CC2D2B: variants seen among roughly 807,000 people sequenced by gnomAD.
CC2D2B encodes the protein coiled-coil and C2 domain containing 2B.
In CC2D2B, 128 loss-of-function variants were observed where a neutral mutation model predicts 161.2. That is an observed-to-expected ratio of 0.79 (90% CI 0.69 to 0.92). The LOEUF is 0.92. CC2D2B is among the 40% of genes least tolerant of loss of function. CC2D2B has a pLI of 0.00. For synonymous variants in CC2D2B, 391 were observed against 449.8 expected (o/e 0.87, Z 1.65); for missense variants, 1,173 against 1,375.1 (o/e 0.85, Z 2.32).
intron 3 of CC2D2B, 133 bp from the exon 4 acceptor site, chr10:95,924,181 A>G (rs774869762): frequency 2.9e-5 from 14 of 486,546 alleles, no homozygotes; most frequent in African/African-American, 4.1e-5. Context: ...ATAAGATAAT[A>G]ACCTAGTTTT....
At chr10:96,026,898 G>A (rs750521039) in intron 33 of CC2D2B, among the ~76,000 whole-genome samples, 70 of 152,172 alleles carry the variant, frequency 4.6e-4, no homozygotes, top group Non-Finnish European at 6.6e-4. Flanking sequence ...CGAGGAGGGC[G>A]GATCACCTGA....
At chr10:96,029,318 A>G (rs1235460518) in intron 34 of CC2D2B, among the ~76,000 whole-genome samples, 4 of 136,206 alleles carry the variant, frequency 2.9e-5, no homozygotes, top group Non-Finnish European at 4.8e-5. Context: ...ATATCTATAT[A>G]TGTACTATGT....
At chr10:96,003,021 AATATAT>A (rs57187442) in intron 24 of CC2D2B, among the ~76,000 whole-genome samples, 6 of 140,696 alleles carry the variant, frequency 4.3e-5, no homozygotes, top group East Asian at 2.0e-4. Context: ...AAAATAAATA[AATATAT>A]ATATATATAT....
chr10:95,972,179 T>C lies in CC2D2B; in HGVS notation c.1758T>C (p.Asp586=), dbSNP rs2077159086. 8.1e-7 allele frequency: 1 copy of C among 1,231,952 alleles called. No homozygotes were observed. The highest frequency in any genetic ancestry group is 1.0e-6 in the Non-Finnish European group (1 of 987,896). The allele number at this position is 1,231,952 out of a possible 1,614,324, so 76.3% of individuals were successfully genotyped here. The change falls in exon 16 of 35, where the codon GAT becomes GAC. Residue 586 remains aspartate, a synonymous_variant. Coordinates refer to ENST00000646931, the MANE Select transcript of CC2D2B (RefSeq NM_001349008.3). ...TGCAATATGTAGAGTTTAGCTCTGATAAGCTGGTCATGCCTGCCGATGGAG... is the reference window on the plus strand; with the variant it reads ...TGCAATATGTAGAGTTTAGCTCTGACAAGCTGGTCATGCCTGCCGATGGAG... ...TALQYVEFSS[D]KLVMPADGEV...
chr10:95,992,757 C>G, intron 22 of CC2D2B, 60 bp downstream of exon 22: 1 of 1,060,148 alleles, frequency 9.4e-7, no homozygotes, highest in Non-Finnish European at 1.2e-6. Flanking sequence ...TGTGAGAATT[C>G]TCCATGCTGT....
chr10:95,933,234 G>T (rs1394639485), intron 6 of CC2D2B, among the ~76,000 whole-genome samples: 1 of 151,830 alleles, frequency 6.6e-6, no homozygotes, highest in East Asian at 1.9e-4. Flanking sequence ...GCTCCATCTG[G>T]TCATTTATGT....
chr10:96,021,216 C>T (rs371200168), intron 32 of CC2D2B: 52 of 152,314 alleles, frequency 3.4e-4, no homozygotes, highest in African/African-American at 1.2e-3. Context: ...TGAAGATGCT[C>T]AACCTTTGAT....
intron 9 of CC2D2B, among the ~76,000 whole-genome samples, chr10:95,949,553 T>C (rs2076328732): frequency 8.1e-6 from 1 of 124,220 alleles, no homozygotes; most frequent in African/African-American, 3.1e-5. Context: ...ATATACCTAA[T>C]GCTAGATGAC....
At chr10:95,997,574 C>T (rs926739723) in intron 24 of CC2D2B, among the ~76,000 whole-genome samples, 4 of 151,936 alleles carry the variant, frequency 2.6e-5, no homozygotes, top group African/African-American at 7.3e-5. Context: ...ATTTTTGTAG[C>T]ACTAGGGTCT....
chr10:95,976,977 T>C (rs1399958016), intron 17 of CC2D2B, among the ~76,000 whole-genome samples: 1 of 152,184 alleles, frequency 6.6e-6, no homozygotes, highest in Non-Finnish European at 1.5e-5. Context: ...GTCAAACTGC[T>C]GAACTCAGGT....
chr10:95,959,136 A>AG lies in CC2D2B; in HGVS notation c.1110-2693_1110-2692insG, dbSNP rs2076678911. 8.5e-5 allele frequency among the ~76,000 whole-genome samples: 13 copies of AG among 152,330 alleles called. No individual in the cohort carries two copies. The South Asian group carries it at 2.7e-3, about 32-fold the overall frequency. ...ATATTCAAGAAGTGAAAGACAAGAA[A>AG]AAAAACCTTAAGTAATTCAATAATT... On this transcript the variant is annotated intron_variant, in intron 11 of 34. Transcript: ENST00000646931.
chr10:96,013,533 T>C (rs1199759098), intron 28 of CC2D2B, among the ~76,000 whole-genome samples: 2 of 151,550 alleles, frequency 1.3e-5, no homozygotes, highest in African/African-American at 4.8e-5. Flanking sequence ...TAAAATATAA[T>C]GGTTACATGC....
Position 95,924,637 on chromosome 10 carries a change from G to A in CC2D2B, c.175-142G>A, listed in dbSNP as rs1002623997. 27 of 625,708 alleles carry A rather than the reference G, an allele frequency of 4.3e-5. No individual in the cohort carries two copies. The Admixed American group carries it at 5.3e-4, about 12-fold the overall frequency. The allele number at this position is 625,708 out of a possible 1,614,324, so 38.8% of individuals were successfully genotyped here. ...GTAATTATAAATGACATTTCAGTAT[G>A]TCTGCTGATATTTCATGTACACATA... On this transcript the variant is annotated intron_variant, in intron 4 of 34. Transcript: ENST00000646931.
chr10:96,031,717 A>G, intron 34 of CC2D2B, 103 bp from the exon 35 acceptor site: 1 of 992,576 alleles, frequency 1.0e-6, no homozygotes, highest in Non-Finnish European at 1.5e-6. Context: ...ATAGTATTTT[A>G]TGAGTACTAT....
At chr10:95,909,639 T>C (rs1412355592) in intron 1 of CC2D2B, among the ~76,000 whole-genome samples, 1 of 152,208 alleles carries the variant, frequency 6.6e-6, no homozygotes, top group Non-Finnish European at 1.5e-5. Context: ...ATTTTCTGAT[T>C]GGATCACAAT....
chr10:95,947,115 T>TA (rs1564609188), intron 9 of CC2D2B, among the ~76,000 whole-genome samples: 1,462 of 25,524 alleles, frequency 0.057, 10 homozygotes, highest in South Asian at 0.084. Flanking sequence ...ATATATATAT[T>TA]TTTTTTTTTT....
chr10:95,924,685 A>G (rs950540253), intron 4 of CC2D2B, 94 bp from the exon 5 acceptor site: 2 of 799,376 alleles, frequency 2.5e-6, no homozygotes, highest in African/African-American at 3.5e-5. Context: ...AAAGAAAAAC[A>G]TTGCAAAGTA....
chr10:95,986,679 C>T (rs2077741637), intron 19 of CC2D2B, among the ~76,000 whole-genome samples: 1 of 152,024 alleles, frequency 6.6e-6, no homozygotes. Context: ...TCAGTGCAAC[C>T]TCCACCTCCT....
At chr10:95,977,128 T>TG (rs376820493) in intron 17 of CC2D2B, among the ~76,000 whole-genome samples, 152,254 of 152,256 alleles carry the variant, frequency 1, 76,126 homozygotes, top group Non-Finnish European at 1. Context: ...CCCAGCACTT[T>TG]GGAGGCCAAG....
Sources: gnomAD v4.1 joint callset for allele counts (sites outside exome capture counted in the v4.1 genomes callset) on GRCh38, gnomAD v4.1.1 for gene constraint, MANE v1.5 for transcripts, NCBI Gene and HGNC (gene_info 2026-07-23, HGNC 2026-07-21) for gene names.